TRRAP: variants seen among roughly 807,000 people sequenced by gnomAD.
TRRAP encodes the protein transformation/transcription domain associated protein, also known as transformation/transcription domain-associated protein.
A neutral mutation model predicts 438.8 loss-of-function variants in TRRAP; 41 were observed. That is an observed-to-expected ratio of 0.09 (90% CI 0.07 to 0.12). The LOEUF (loss-of-function observed/expected upper bound fraction) is 0.12. Among genes scored for constraint, TRRAP ranks in the 10% least tolerant of loss-of-function variants. TRRAP has a pLI of 1.00. For missense variants in TRRAP, 3,122 were observed against 5,055.1 expected (o/e 0.62, Z 11.60); for synonymous variants, 1,994 against 1,962.9 (o/e 1.02, Z -0.42).
At chr7:98,930,515 T>A (rs1435754568) in intron 24 of TRRAP, 118 bp from the exon 25 acceptor site, 1 of 1,309,082 alleles carries the variant, frequency 7.6e-7, no homozygotes, top group Non-Finnish European at 1.1e-6. Context: ...GAGATGGAGG[T>A]TGCGGTGAGC....
In TRRAP at chr7:98,956,318, C is replaced by G. The variant is rs201883466; in HGVS notation, c.6096+14C>G. 12 of 1,613,912 alleles carry G rather than the reference C, an allele frequency of 7.4e-6. No homozygotes were observed. The highest frequency in any genetic ancestry group is 1.0e-5 in the Non-Finnish European group (12 of 1,179,934). On this transcript the variant is annotated intron_variant, in intron 42 of 72. Coordinates refer to ENST00000456197, the MANE Select transcript of TRRAP (RefSeq NM_001375524.1). This position sits in a 1 kb window ranked among gnomAD's most constrained non-coding sequence, Gnocchi z 4.5. Reference sequence around the variant, plus strand: ...AAGGACCAGCAGGTAGGGGTGTCAGCCTCAGGGGTGCCCCGATCGTCTTCC... The same window carrying G: ...AAGGACCAGCAGGTAGGGGTGTCAGGCTCAGGGGTGCCCCGATCGTCTTCC...
chr7:98,942,995 G>T lies in TRRAP; in HGVS notation c.4451G>T (p.Gly1484Val), dbSNP rs1790870324. 2 of 1,614,050 alleles carry T rather than the reference G, an allele frequency of 1.2e-6. No homozygotes were observed. Among genetic ancestry groups the T allele is most frequent in the African/African-American group, 2.7e-5 (2 of 74,910 alleles). The change falls in exon 31 of 73, where the codon GGG becomes GTG. Residue 1484 changes from glycine to valine, a missense_variant. By Grantham distance (109) the Gly-to-Val change is moderately radical. Coordinates refer to ENST00000456197, the MANE Select transcript of TRRAP (RefSeq NM_001375524.1). The part of the protein sequence containing the change: ...WMEVVVITHK[G>V]GQRSDGNESI... ...GAAGTGGTGGTGATCACCCACAAAG[G>T]GGGCCAGAGGAGCGACGGAAACGTG...
chr7:98,969,968 G>A (rs1452911755), intron 51 of TRRAP, 144 bp from the exon 52 acceptor site: 9 of 919,778 alleles, frequency 9.8e-6, no homozygotes, highest in African/African-American at 1.7e-5. Context: ...GTCTGGTTGG[G>A]GACAGGTGGG....
chr7:98,891,443 C>T (rs1224934068), intron 4 of TRRAP, among the ~76,000 whole-genome samples: 11 of 151,478 alleles, frequency 7.3e-5, no homozygotes, highest in Non-Finnish European at 1.5e-4. Context: ...TCAGGTGATC[C>T]GCCCACCTCG....
chr7:99,008,072 CTGTG>C (rs1192093526), intron 69 of TRRAP, among the ~76,000 whole-genome samples: 5 of 152,170 alleles, frequency 3.3e-5, no homozygotes, highest in Non-Finnish European at 5.9e-5. Flanking sequence ...GATCCGCCCA[CTGTG>C]GCCTCCCAAA....
In TRRAP at chr7:98,931,267, A is replaced by C; in HGVS notation, c.3592-138A>C. On this transcript the variant is annotated intron_variant, in intron 25 of 72. Transcript: ENST00000456197. The stretch of plus-strand genomic sequence containing the variant: ...ACTAAAGCACCAAGTGGGTGCCGTG[A>C]AGTCACCTCATTAAAGCAGCTGGCG... The C allele has an allele frequency of 1.1e-5, 14 of 1,282,070 alleles. No individual in the cohort carries two copies. The South Asian group carries it at 1.9e-4, about 18-fold the overall frequency. 79.4% of individuals were successfully genotyped at this position (1,282,070 alleles called of 1,614,324 possible).
chr7:98,958,170 G>A, intron 44 of TRRAP, 79 bp downstream of exon 44: 1 of 1,245,684 alleles, frequency 8.0e-7, no homozygotes, highest in Non-Finnish European at 1.1e-6. Flanking sequence ...GTTATCTGTG[G>A]CAATTTCATC....
intron 5 of TRRAP, 98 bp from the exon 6 acceptor site, chr7:98,893,700 G>A (rs1554405285): frequency 9.4e-7 from 1 of 1,064,644 alleles, no homozygotes; most frequent in East Asian, 2.5e-5. Context: ...AAATCCAATA[G>A]TTGGTTGATG....
intron 18 of TRRAP, among the ~76,000 whole-genome samples, chr7:98,913,745 C>G (rs936865953): frequency 2.0e-5 from 3 of 152,176 alleles, no homozygotes; most frequent in Admixed American, 1.3e-4. Flanking sequence ...TCCCATCATA[C>G]ATTTTTATGG....
intron 19 of TRRAP, among the ~76,000 whole-genome samples, chr7:98,916,228 TC>T (rs1736858684): frequency 6.6e-6 from 1 of 152,086 alleles, no homozygotes; most frequent in African/African-American, 2.4e-5. Flanking sequence ...AGATCAGAGA[TC>T]CCTAGACTGA....
chr7:98,959,018 A>C (rs369212967), intron 44 of TRRAP, among the ~76,000 whole-genome samples: 3 of 152,286 alleles, frequency 2.0e-5, no homozygotes, highest in Admixed American at 6.5e-5. Context: ...CCAAGTACTG[A>C]AAAGGATCTG....
At chr7:98,891,130 T>A (rs1161868184) in intron 4 of TRRAP, among the ~76,000 whole-genome samples, 2 of 150,346 alleles carry the variant, frequency 1.3e-5, no homozygotes, top group Admixed American at 1.3e-4. Flanking sequence ...TCAATTTTGT[T>A]TTATCGACAC....
intron 3 of TRRAP, among the ~76,000 whole-genome samples, chr7:98,887,502 G>A (rs1421012871): frequency 2.6e-5 from 4 of 151,988 alleles, no homozygotes; most frequent in South Asian, 4.2e-4. Flanking sequence ...TCCTGGGGCC[G>A]CCTCCCATAC....
chr7:98,900,728 C>A lies in TRRAP; in HGVS notation c.897+8C>A. ...ATTATCAGGATTTACCAGGTAAGGTCATTGACTTTTATGTCAGGTTTATTG... is the reference window on the plus strand; with the variant it reads ...ATTATCAGGATTTACCAGGTAAGGTAATTGACTTTTATGTCAGGTTTATTG... On this transcript the variant is annotated splice_region_variant and intron_variant, in intron 11 of 72. Coordinates refer to ENST00000456197, the MANE Select transcript of TRRAP (RefSeq NM_001375524.1). 1 of 1,607,576 alleles carries A rather than the reference C, an allele frequency of 6.2e-7. No homozygotes were observed.
rs111522699 is a variant in TRRAP, at chr7:98,924,546, G to A, written c.2824-566G>A. Among the ~76,000 whole-genome samples the A allele has an allele frequency of 5.5e-3, 839 of 151,830 alleles. 3 individuals are homozygous for A. Among genetic ancestry groups the A allele is most frequent in the African/African-American group, 0.018 (736 of 41,366 alleles). ...ACTAAAAATACAAAAAAAATTAGCC[G>A]GGTGTGGTGGCTGGCACCTGTGGTC... On this transcript the variant is annotated intron_variant, in intron 21 of 72. Coordinates refer to ENST00000456197, the MANE Select transcript of TRRAP (RefSeq NM_001375524.1).
At chr7:98,972,815 A>G (rs192410229) in intron 53 of TRRAP, among the ~76,000 whole-genome samples, 9 of 152,348 alleles carry the variant, frequency 5.9e-5, no homozygotes, top group African/African-American at 9.6e-5. Flanking sequence ...TTGGTGACCT[A>G]TGTTGAACTT....
In TRRAP at chr7:98,910,291, A is replaced by G; in HGVS notation, c.1586A>G (p.Lys529Arg). ...VTPAPVPPFE[K>R]QGEKDKEDKQ... Reference sequence around the variant, plus strand: ...CCGGCCCCCGTGCCTCCCTTCGAGAAGCAAGGAGAAAAGGACAAGGAAGAC... The same window carrying G: ...CCGGCCCCCGTGCCTCCCTTCGAGAGGCAAGGAGAAAAGGACAAGGAAGAC... The change falls in exon 15 of 73, where the codon AAG becomes AGG. Residue 529 changes from lysine to arginine, a missense_variant. By Grantham distance (26) the Lys-to-Arg change is conservative. This residue lies in a region of TRRAP where 115 missense variants were observed against 124.6 expected (regional missense o/e 0.92). Coordinates refer to ENST00000456197, the MANE Select transcript of TRRAP (RefSeq NM_001375524.1). 6.2e-7 allele frequency: 1 copy of G among 1,601,846 alleles called. No individual in the cohort carries two copies. The highest frequency in any genetic ancestry group is 8.5e-7 in the Non-Finnish European group (1 of 1,178,036).
Position 98,910,179 on chromosome 7 carries a change from G to A in TRRAP, c.1474G>A (p.Ala492Thr). The change falls in exon 15 of 73, where the codon GCA becomes ACA. Residue 492 changes from alanine to threonine, a missense_variant. Physicochemically the swap from Ala to Thr is moderately conservative, Grantham distance 58. Coordinates refer to ENST00000456197, the MANE Select transcript of TRRAP (RefSeq NM_001375524.1). ...AALPGVPTAP[A>T]APGPAPSPAP... Reference sequence around the variant, plus strand: ...TCTGCCTGGGGTGCCCACTGCCCCTGCAGCTCCTGGCCCTGCTCCCTCCCC... The same window carrying A: ...TCTGCCTGGGGTGCCCACTGCCCCTACAGCTCCTGGCCCTGCTCCCTCCCC... 1 of 1,610,328 alleles carries A rather than the reference G, an allele frequency of 6.2e-7. No individual in the cohort carries two copies.
intron 4 of TRRAP, among the ~76,000 whole-genome samples, chr7:98,890,833 A>G (rs1020433552): frequency 3.3e-5 from 4 of 121,078 alleles, no homozygotes; most frequent in African/African-American, 1.2e-4. Flanking sequence ...TCTGTCACCC[A>G]GTCTGGAGTG....
Sources: gnomAD v4.1 joint callset for allele counts (sites outside exome capture counted in the v4.1 genomes callset) on GRCh38, gnomAD v4.1.1 for gene constraint, gnomAD v4.1.1 regional missense constraint, Gnocchi (gnomAD v3.1) non-coding constraint, MANE v1.5 for transcripts, NCBI Gene and HGNC (gene_info 2026-07-23, HGNC 2026-07-21) for gene names.